CAMTA1: variants seen among roughly 807,000 people sequenced by gnomAD.
The protein encoded by CAMTA1 is calmodulin-binding transcription activator 1.
In CAMTA1, 27 loss-of-function variants were observed where a neutral mutation model predicts 170.9. The ratio of observed to expected loss-of-function variants is 0.16; its 90% CI spans 0.12 to 0.22. CAMTA1 has a LOEUF of 0.22. Ranked by LOEUF, CAMTA1 falls within the 10% of genes least tolerant of loss-of-function variation. The pLI, the probability that CAMTA1 is intolerant of heterozygous loss-of-function variation, is 1.00. For missense variants in CAMTA1, 1,619 were observed against 2,217.2 expected, an observed-to-expected ratio of 0.73 and a Z score of 5.42; for synonymous variants, 833 against 891.5, an observed-to-expected ratio of 0.93 and a Z score of 1.17.
intron 1 of CAMTA1, among the ~76,000 whole-genome samples, chr1:6,808,137 G>A (rs1250519425): frequency 6.6e-6 from 1 of 152,036 alleles, no homozygotes; most frequent in Non-Finnish European, 1.5e-5. Context: ...GTAAGCCTCG[G>A]AAAGTAGGTA....
At chr1:7,492,456 G>T (rs546878877) in intron 6 of CAMTA1, among the ~76,000 whole-genome samples, 2 of 152,274 alleles carry the variant, frequency 1.3e-5, no homozygotes, top group African/African-American at 4.8e-5. Context: ...CCCCCGGGCT[G>T]CTCAGGAGGC....
chr1:7,501,082 C>T (rs758074364), intron 6 of CAMTA1, among the ~76,000 whole-genome samples: 1 of 152,128 alleles, frequency 6.6e-6, no homozygotes, highest in Non-Finnish European at 1.5e-5. Flanking sequence ...CTGTGCCACG[C>T]GCCACCCCTC....
chr1:7,524,330 T>G (rs189466371), intron 6 of CAMTA1, among the ~76,000 whole-genome samples: 1 of 152,378 alleles, frequency 6.6e-6, no homozygotes, highest in African/African-American at 2.4e-5. Flanking sequence ...TCTGTGTTGA[T>G]CTTGTATCCT....
intron 3 of CAMTA1, among the ~76,000 whole-genome samples, chr1:6,969,349 A>G (rs1180941237): frequency 6.6e-6 from 1 of 152,160 alleles, no homozygotes; most frequent in Non-Finnish European, 1.5e-5. Flanking sequence ...GGGGCAAGGA[A>G]CGCTGCAGAA....
At chr1:6,839,808 A>G (rs898935216) in intron 3 of CAMTA1, among the ~76,000 whole-genome samples, 9 of 151,702 alleles carry the variant, frequency 5.9e-5, no homozygotes, top group Admixed American at 5.9e-4. Flanking sequence ...AGGAAATGTG[A>G]AAAAAAAAGT....
chr1:7,135,272 C>T (rs995970044), intron 4 of CAMTA1, among the ~76,000 whole-genome samples: 15 of 152,206 alleles, frequency 9.9e-5, no homozygotes, highest in African/African-American at 3.4e-4. Context: ...TCTGTAATCC[C>T]AGCTACTTAG....
At chr1:7,068,924 C>T (rs1638230205) in intron 3 of CAMTA1, among the ~76,000 whole-genome samples, 1 of 152,194 alleles carries the variant, frequency 6.6e-6, no homozygotes, top group African/African-American at 2.4e-5. Flanking sequence ...CAGGAAGACA[C>T]TCTCCTCTAA....
At chr1:7,027,031 G>C (rs1702115344) in intron 3 of CAMTA1, among the ~76,000 whole-genome samples, 3 of 152,066 alleles carry the variant, frequency 2.0e-5, no homozygotes, top group African/African-American at 7.2e-5. Context: ...TTGAGACGTG[G>C]CAGAGTCAGG....
rs143366419 is a variant in CAMTA1, at chr1:6,906,427, C to T, written c.234+81217C>T. Among the ~76,000 whole-genome samples the T allele has an allele frequency of 2.4e-4, 37 of 152,262 alleles. No homozygotes were observed. The East Asian group carries it at 3.5e-3, about 14-fold the overall frequency. ...CAGGGCCATGGGTAGTGGCCCTTCTCCCAGCCTTAAATCAACCAAAGAAGA... is the reference window on the plus strand; with the variant it reads ...CAGGGCCATGGGTAGTGGCCCTTCTTCCAGCCTTAAATCAACCAAAGAAGA... On this transcript the variant is annotated intron_variant, in intron 3 of 22. Transcript: ENST00000303635.
chr1:7,746,633 A>AG (rs2096858820), intron 18 of CAMTA1, among the ~76,000 whole-genome samples: 1 of 151,930 alleles, frequency 6.6e-6, no homozygotes, highest in African/African-American at 2.4e-5. Flanking sequence ...AACAATGCTG[A>AG]TTTTTCTTTT....
chr1:7,270,242 CAT>C (rs1558335898), intron 5 of CAMTA1, among the ~76,000 whole-genome samples: 99 of 39,002 alleles, frequency 2.5e-3, no homozygotes, highest in African/African-American at 8.2e-3. Flanking sequence ...CACATATATA[CAT>C]ACACACACAC....
intron 4 of CAMTA1, among the ~76,000 whole-genome samples, chr1:7,135,146 G>A (rs1049486613): frequency 2.0e-5 from 3 of 152,146 alleles, no homozygotes; most frequent in Non-Finnish European, 2.9e-5. Context: ...CAGCACTTTG[G>A]GAGGCCGGGG....
intron 6 of CAMTA1, among the ~76,000 whole-genome samples, chr1:7,586,779 A>C (rs1325762945): frequency 2.0e-5 from 3 of 152,016 alleles, no homozygotes; most frequent in African/African-American, 7.3e-5. Context: ...GGAAGATAGG[A>C]GGGGCTCAGA....
At chr1:6,966,508 G>C (rs151185537) in intron 3 of CAMTA1, among the ~76,000 whole-genome samples, 21 of 152,022 alleles carry the variant, frequency 1.4e-4, no homozygotes, top group Middle Eastern at 3.4e-3. Flanking sequence ...GCTGTGGCAC[G>C]TGCCAGAACT....
chr1:7,718,920 T>G (rs937967130), intron 11 of CAMTA1, among the ~76,000 whole-genome samples: 23 of 151,346 alleles, frequency 1.5e-4, no homozygotes, highest in Admixed American at 1.3e-3. Flanking sequence ...TCTTCTACAT[T>G]CATTTCACTA....
chr1:7,350,169 C>A (rs147446375), intron 5 of CAMTA1, among the ~76,000 whole-genome samples: 1 of 152,172 alleles, frequency 6.6e-6, no homozygotes, highest in South Asian at 2.1e-4. Flanking sequence ...TGTTCTCCCC[C>A]ACTATCCCAG....
intron 3 of CAMTA1, among the ~76,000 whole-genome samples, chr1:7,072,052 T>TG (rs1460027507): frequency 6.6e-6 from 1 of 152,238 alleles, no homozygotes; most frequent in East Asian, 1.9e-4. Flanking sequence ...CTGTGCTTTG[T>TG]GGGGCTTTGT....
intron 18 of CAMTA1, 47 bp downstream of exon 18, chr1:7,746,138 G>A: frequency 6.3e-7 from 1 of 1,583,016 alleles, no homozygotes; most frequent in Non-Finnish European, 8.6e-7. Flanking sequence ...TAAGATCAGA[G>A]AGGACAGATG....
chr1:7,176,758 T>C (rs909381785), intron 4 of CAMTA1, among the ~76,000 whole-genome samples: 1 of 152,122 alleles, frequency 6.6e-6, no homozygotes, highest in Non-Finnish European at 1.5e-5. Context: ...GCAATGACAA[T>C]GTGAATTGTA....
Sources: gnomAD v4.1 joint callset for allele counts (sites outside exome capture counted in the v4.1 genomes callset) on GRCh38, gnomAD v4.1.1 for gene constraint, MANE v1.5 for transcripts, NCBI Gene and HGNC (gene_info 2026-07-23, HGNC 2026-07-21) for gene names.